The following VKORC1L1 variants were observed in gnomAD, a reference collection of about 807,000 sequenced individuals.
VKORC1L1 encodes the protein vitamin K epoxide reductase complex subunit 1-like protein 1.
In VKORC1L1, 2 loss-of-function variants were observed where a neutral mutation model predicts 18.9. The observed-to-expected ratio is 0.11, with a 90% confidence interval of 0.04 to 0.33. The LOEUF (loss-of-function observed/expected upper bound fraction) is 0.33, where lower values mean the gene tolerates loss of function less well. Among genes scored for constraint, VKORC1L1 ranks in the 10% least tolerant of loss-of-function variants. The pLI, the probability that VKORC1L1 is intolerant of heterozygous loss-of-function variation, is 1.00. For missense variants in VKORC1L1, 123 were observed against 224.1 expected (o/e 0.55, Z 2.88); for synonymous variants, 96 against 100.0 (o/e 0.96, Z 0.24).
At chr7:65,875,395 T>C (rs1388205775) in intron 1 of VKORC1L1, among the ~76,000 whole-genome samples, 1 of 152,112 alleles carries the variant, frequency 6.6e-6, no homozygotes, top group African/African-American at 2.4e-5. Context: ...ATTGAAAGTT[T>C]TTATTTTGTC....
At chr7:65,948,848 A>G (rs1490838785) in intron 2 of VKORC1L1, 68 bp downstream of exon 2, 1 of 1,447,878 alleles carries the variant, frequency 6.9e-7, no homozygotes, top group Non-Finnish European at 9.4e-7. Context: ...TTTGCCCTGA[A>G]GTGTCTTGAT....
At position 65,922,969 on chromosome 7, in the gene VKORC1L1, A is replaced by ATC. The variant is rs902180106; in HGVS notation, c.195-25689_195-25688dup. ...CAGTTTTGGAAAAATTTTAACCATT[A>ATC]TCTCTCTCTCTCTCCAAATTTTGCT... On this transcript the variant is annotated intron_variant, in intron 1 of 2. Coordinates refer to ENST00000360768, the MANE Select transcript of VKORC1L1 (RefSeq NM_173517.6). Among the ~76,000 whole-genome samples, 7 of 151,750 alleles carry ATC rather than the reference A, an allele frequency of 4.6e-5. No homozygotes were observed. In the East Asian group the frequency reaches 7.8e-4, roughly 17 times the overall value.
chr7:65,883,991 G>A (rs1485333677), intron 1 of VKORC1L1, among the ~76,000 whole-genome samples: 2 of 152,172 alleles, frequency 1.3e-5, no homozygotes, highest in Admixed American at 6.5e-5. Context: ...TATTTGAGAA[G>A]TAAAGTAGTA....
Position 65,925,520 on chromosome 7 carries a change from C to T in VKORC1L1, c.195-23151C>T, listed in dbSNP as rs547582230. Among the ~76,000 whole-genome samples, 285 of 152,234 alleles carry T rather than the reference C, an allele frequency of 1.9e-3. 3 individuals are homozygous for T. Among genetic ancestry groups the T allele is most frequent in the African/African-American group, 6.7e-3 (278 of 41,552 alleles). ...CCATAGGTACTTGGTGTATTTAGTA[C>T]ATTATATTATGTTTCAGAGTATGAT... On this transcript the variant is annotated intron_variant, in intron 1 of 2. Coordinates refer to ENST00000360768, the MANE Select transcript of VKORC1L1 (RefSeq NM_173517.6).
the VKORC1L1 span, among the ~76,000 whole-genome samples, chr7:65,867,792 G>A: frequency 6.6e-6 from 1 of 152,106 alleles, no homozygotes; most frequent in Non-Finnish European, 1.5e-5. Flanking sequence ...AATTCAAGGG[G>A]GAGGAGCACA....
chr7:65,895,472 AAAAAAAAAATATATATATAT>A lies in VKORC1L1; in HGVS notation c.194+21909_194+21928del, dbSNP rs1244898541. Among the ~76,000 whole-genome samples the A allele has an allele frequency of 2.3e-3, 116 of 50,570 alleles. 3 individuals are homozygous for A. Among genetic ancestry groups the A allele is most frequent in the African/African-American group, 9.9e-3 (110 of 11,114 alleles). 33.2% of individuals were successfully genotyped at this position (50,570 alleles called of 152,430 possible). The stretch of plus-strand genomic sequence containing the variant: ...CTGTGAGAAAAAAAAAAAAAAAAAA[AAAAAAAAAATATATATATAT>A]ATATATATATATATATATATATATA... On this transcript the variant is annotated intron_variant, in intron 1 of 2. Transcript: ENST00000360768.
At chr7:65,942,481 GA>G (rs1158300133) in intron 1 of VKORC1L1, among the ~76,000 whole-genome samples, 20 of 121,964 alleles carry the variant, frequency 1.6e-4, no homozygotes, top group African/African-American at 5.6e-4. Flanking sequence ...GACAGAGCGA[GA>G]CTCCATCTCA....
At chr7:65,950,194 C>G (rs1157238445) in intron 2 of VKORC1L1, among the ~76,000 whole-genome samples, 2 of 152,008 alleles carry the variant, frequency 1.3e-5, no homozygotes, top group African/African-American at 4.8e-5. Context: ...CCTTTTATTG[C>G]CCATTTAGCA....
At chr7:65,942,269 T>A (rs746290442) in intron 1 of VKORC1L1, among the ~76,000 whole-genome samples, 4 of 151,384 alleles carry the variant, frequency 2.6e-5, no homozygotes, top group Non-Finnish European at 4.4e-5. Context: ...GAGCGGATCA[T>A]GAGGTCAGGA....
At position 65,954,237 on chromosome 7, in the gene VKORC1L1, C is replaced by T. The variant is rs751950016; in HGVS notation, c.468C>T (p.Asn156=). The change falls in exon 3 of 3, where the codon AAC becomes AAT. Residue 156 remains asparagine, a synonymous_variant. Transcript: ENST00000360768. The part of the protein sequence containing the change: ...YVLNFLLLII[N]YKRLVYLNEA... ...TGAACTTCCTTCTTCTCATTATCAACTACAAACGACTAGTTTACTTGAACG... is the reference window on the plus strand; with the variant it reads ...TGAACTTCCTTCTTCTCATTATCAATTACAAACGACTAGTTTACTTGAACG... 9.9e-6 allele frequency: 16 copies of T among 1,614,048 alleles called. No homozygotes were observed. The East Asian group carries it at 2.7e-4, about 27-fold the overall frequency.
chr7:65,906,747 G>A (rs1789412290), intron 1 of VKORC1L1, among the ~76,000 whole-genome samples: 1 of 152,178 alleles, frequency 6.6e-6, no homozygotes, highest in Non-Finnish European at 1.5e-5. Flanking sequence ...GAAAGTAAAG[G>A]GGAAGAGATC....
chr7:65,905,769 A>G (rs978863803), intron 1 of VKORC1L1, among the ~76,000 whole-genome samples: 1 of 152,140 alleles, frequency 6.6e-6, no homozygotes, highest in African/African-American at 2.4e-5. Flanking sequence ...GGAAGTGCCA[A>G]TTTAACCTTA....
the VKORC1L1 span, among the ~76,000 whole-genome samples, chr7:65,866,656 T>A: frequency 6.6e-6 from 1 of 152,134 alleles, no homozygotes; most frequent in Non-Finnish European, 1.5e-5. Flanking sequence ...ATACTTGTAA[T>A]CCCAACACTG....
intron 1 of VKORC1L1, among the ~76,000 whole-genome samples, chr7:65,884,303 G>T (rs753021758): frequency 3.9e-5 from 6 of 152,134 alleles, no homozygotes; most frequent in African/African-American, 9.7e-5. Context: ...TGTTATTTTA[G>T]AACATGGTTT....
Position 65,954,785 on chromosome 7 carries a change from G to T in VKORC1L1, c.*485G>T. The T allele has an allele frequency of 6.1e-6, 1 of 162,618 alleles. No individual in the cohort carries two copies. Among genetic ancestry groups the T allele is most frequent in the South Asian group, 1.6e-4 (1 of 6,266 alleles). 10.1% of individuals were successfully genotyped at this position (162,618 alleles called of 1,614,324 possible). On this transcript the variant is annotated 3_prime_UTR_variant, in exon 3 of 3. Transcript: ENST00000360768. ...GTAGATTCAACTAGAATCCATTTGTGATATTTGTAAATAAAGGTAGAAATA... is the reference window on the plus strand; with the variant it reads ...GTAGATTCAACTAGAATCCATTTGTTATATTTGTAAATAAAGGTAGAAATA...
intron 1 of VKORC1L1, among the ~76,000 whole-genome samples, chr7:65,900,413 T>C (rs1347160608): frequency 6.8e-6 from 1 of 147,504 alleles, no homozygotes; most frequent in African/African-American, 2.5e-5. Flanking sequence ...AAAAAGAAAA[T>C]ATAGAAAAAT....
In VKORC1L1 at chr7:65,936,449, G is replaced by A. The variant is rs530176180; in HGVS notation, c.195-12222G>A. Among the ~76,000 whole-genome samples, 4 of 152,274 alleles carry A rather than the reference G, an allele frequency of 2.6e-5. No individual in the cohort carries two copies. The South Asian group carries it at 6.2e-4, about 24-fold the overall frequency. On this transcript the variant is annotated intron_variant, in intron 1 of 2. Coordinates refer to ENST00000360768, the MANE Select transcript of VKORC1L1 (RefSeq NM_173517.6). ...ATAATGATTTTGCTTTGTTTTAACAGGCAATCCAGTTTCACAAGCTCTGCC... is the reference window on the plus strand; with the variant it reads ...ATAATGATTTTGCTTTGTTTTAACAAGCAATCCAGTTTCACAAGCTCTGCC...
Position 65,873,334 on chromosome 7 carries a change from T to C in VKORC1L1, c.-38T>C. On this transcript the variant is annotated 5_prime_UTR_variant, in exon 1 of 3. Transcript: ENST00000360768. ...CCCCGACGGGCGGCGGCGGCTGAGG[T>C]GGAGGCGGAGGGAGGCGGCGGCGGC... is the stretch of plus-strand genomic sequence containing the variant. 7.1e-7 allele frequency: 1 copy of C among 1,408,560 alleles called. No homozygotes were observed. Among genetic ancestry groups the C allele is most frequent in the Non-Finnish European group, 9.3e-7 (1 of 1,077,662 alleles). The allele number at this position is 1,408,560 out of a possible 1,614,324, so 87.3% of individuals were successfully genotyped here. A position where few individuals can be genotyped will look rare whatever the true frequency, so the allele number is the denominator to read the frequency against.
At chr7:65,876,360 G>T (rs1450723664) in intron 1 of VKORC1L1, among the ~76,000 whole-genome samples, 1 of 151,948 alleles carries the variant, frequency 6.6e-6, no homozygotes, top group Non-Finnish European at 1.5e-5. Flanking sequence ...AAACAAGCTG[G>T]GCGTGGTAGC....
Sources: gnomAD v4.1 joint callset for allele counts (sites outside exome capture counted in the v4.1 genomes callset) on GRCh38, gnomAD v4.1.1 for gene constraint, MANE v1.5 for transcripts, NCBI Gene and HGNC (gene_info 2026-07-23, HGNC 2026-07-21) for gene names.